EPB41L5: variants seen among roughly 807,000 people sequenced by gnomAD.
The protein encoded by EPB41L5 is erythrocyte membrane protein band 4.1 like 5, also known as band 4.1-like protein 5.
In EPB41L5, 55 loss-of-function variants were observed where a neutral mutation model predicts 106.6. That is an observed-to-expected ratio of 0.52 (90% CI 0.42 to 0.65). The LOEUF is 0.65. Ranked by LOEUF, EPB41L5 falls within the 30% of genes least tolerant of loss-of-function variation. EPB41L5 has a pLI of 0.00. For missense variants in EPB41L5, 871 were observed against 882.1 expected (o/e 0.99, Z 0.16); for synonymous variants, 297 against 306.7 (o/e 0.97, Z 0.33).
At chr2:120,133,505 G>A (rs551204659) in intron 18 of EPB41L5, among the ~76,000 whole-genome samples, 1 of 152,238 alleles carries the variant, frequency 6.6e-6, no homozygotes, top group African/African-American at 2.4e-5. Flanking sequence ...TCTGTCTGTC[G>A]GAATGGAAAG....
chr2:120,129,530 A>G (rs1376567299), intron 17 of EPB41L5, among the ~76,000 whole-genome samples: 1 of 152,232 alleles, frequency 6.6e-6, no homozygotes, highest in Non-Finnish European at 1.5e-5. Flanking sequence ...GATTTTATTT[A>G]CATTCCACTT....
rs980747685 is a variant in EPB41L5 at position 120,037,283 on chromosome 2, T to C, written c.181-4723T>C. ...GAACATGTAAATAAGAAGGAAGATA[T>C]CCCACGTTCAAGAATTTGGAGACTT... is the stretch of plus-strand genomic sequence containing the variant. On this transcript the variant is annotated intron_variant, in intron 2 of 24. Coordinates refer to ENST00000263713, the MANE Select transcript of EPB41L5 (RefSeq NM_020909.4). Among the ~76,000 whole-genome samples, 42 of 152,146 alleles carry C rather than the reference T, an allele frequency of 2.8e-4. 1 individual carries two copies. The highest frequency in any genetic ancestry group is 8.0e-4 in the African/African-American group (33 of 41,452).
intron 1 of EPB41L5, among the ~76,000 whole-genome samples, chr2:120,014,971 TAAAA>T (rs35008136): frequency 2.8e-5 from 4 of 141,066 alleles, no homozygotes; most frequent in African/African-American, 5.3e-5. Flanking sequence ...TCACAATCAT[TAAAA>T]AAAAAAAAAA....
chr2:120,165,936 C>CCAGT (rs928303246), intron 22 of EPB41L5, among the ~76,000 whole-genome samples: 1 of 140,026 alleles, frequency 7.1e-6, no homozygotes, highest in African/African-American at 2.7e-5. Flanking sequence ...CCATTGCACT[C>CCAGT]CAGTCTGGGC....
Position 120,106,744 on chromosome 2 carries a change from A to T in EPB41L5, c.1337+5930A>T, listed in dbSNP as rs983155441. ...ACACAGCAAAGCTAGTGACCTTCACACTTTCACGCATGAACATAAATGAGC... is the reference window on the plus strand; with the variant it reads ...ACACAGCAAAGCTAGTGACCTTCACTCTTTCACGCATGAACATAAATGAGC... On this transcript the variant is annotated intron_variant, in intron 16 of 24. Transcript: ENST00000263713. 4 of 985,444 alleles carry T rather than the reference A, an allele frequency of 4.1e-6. No individual in the cohort carries two copies. In the Middle Eastern group the frequency reaches 1.6e-3, roughly 386 times the overall value. 61.0% of individuals were successfully genotyped at this position (985,444 alleles called of 1,614,324 possible).
At position 120,031,813 on chromosome 2, in the gene EPB41L5, T is replaced by C. The variant is rs73948994; in HGVS notation, c.181-10193T>C. 7.7e-3 allele frequency among the ~76,000 whole-genome samples: 1,176 copies of C among 152,188 alleles called. 12 individuals carry two copies. The highest frequency in any genetic ancestry group is 0.027 in the African/African-American group (1,113 of 41,548). ...GGATTATTGGAAGGCAACACTGATA[T>C]ACTGATTCTTGAGAAACCAGAATCA... On this transcript the variant is annotated intron_variant, in intron 2 of 24. Coordinates refer to ENST00000263713, the MANE Select transcript of EPB41L5 (RefSeq NM_020909.4).
intron 10 of EPB41L5, among the ~76,000 whole-genome samples, chr2:120,080,560 G>A (rs1217662456): frequency 6.6e-6 from 1 of 152,108 alleles, no homozygotes; most frequent in Non-Finnish European, 1.5e-5. Flanking sequence ...TAGTGCCGCA[G>A]TAAACATACG....
chr2:120,054,588 C>T (rs1043246338), intron 3 of EPB41L5, among the ~76,000 whole-genome samples: 12 of 151,506 alleles, frequency 7.9e-5, no homozygotes, highest in Admixed American at 2.6e-4. Context: ...ACTGCAACTC[C>T]GCCTCCCGGT....
chr2:120,078,471 C>T (rs945261972), intron 9 of EPB41L5, 22 bp from the exon 10 acceptor site: 4 of 1,511,856 alleles, frequency 2.6e-6, no homozygotes, highest in African/African-American at 1.4e-5. Flanking sequence ...AAAGCTAACA[C>T]ATTTTTCTCC....
At position 120,176,944 on chromosome 2, in the gene EPB41L5, T is replaced by C. The variant is rs933749812; in HGVS notation, c.*2037T>C. On this transcript the variant is annotated 3_prime_UTR_variant, in exon 25 of 25. Coordinates refer to ENST00000263713, the MANE Select transcript of EPB41L5 (RefSeq NM_020909.4). ...ACCTGTATTCTTGACAGTTAGAATATTGGTAGGGACTTTGTTAAAATTCAC... is the reference window on the plus strand; with the variant it reads ...ACCTGTATTCTTGACAGTTAGAATACTGGTAGGGACTTTGTTAAAATTCAC... 3 of 152,186 alleles carry C rather than the reference T, an allele frequency of 2.0e-5. No homozygotes were observed. The highest frequency in any genetic ancestry group is 2.0e-4 in the Admixed American group (3 of 15,290). 9.4% of individuals were successfully genotyped at this position (152,186 alleles called of 1,614,324 possible).
chr2:120,090,293 G>C (rs966259082), intron 11 of EPB41L5, 54 bp from the exon 12 acceptor site: 55 of 1,435,514 alleles, frequency 3.8e-5, no homozygotes, highest in Non-Finnish European at 5.1e-5. Context: ...AGAAATAGGA[G>C]ATAGGACTGT....
intron 2 of EPB41L5, among the ~76,000 whole-genome samples, chr2:120,041,143 CATATT>C (rs1193078660): frequency 6.6e-6 from 1 of 152,064 alleles, no homozygotes; most frequent in Non-Finnish European, 1.5e-5. Context: ...TAATATAAAA[CATATT>C]ATAAAAATAA....
chr2:120,063,699 A>G (rs1681242477), intron 3 of EPB41L5, among the ~76,000 whole-genome samples: 1 of 152,164 alleles, frequency 6.6e-6, no homozygotes, highest in Non-Finnish European at 1.5e-5. Context: ...TAATCCCAAT[A>G]CTTTGTGAGG....
At chr2:120,088,397 C>A (rs750821491) in intron 11 of EPB41L5, among the ~76,000 whole-genome samples, 6 of 152,046 alleles carry the variant, frequency 3.9e-5, no homozygotes, top group Non-Finnish European at 7.4e-5. Context: ...AACTTATGAA[C>A]ACAAAGAAGG....
intron 1 of EPB41L5, among the ~76,000 whole-genome samples, chr2:120,018,000 C>T (rs537707906): frequency 3.0e-3 from 438 of 146,734 alleles, no homozygotes; most frequent in Middle Eastern, 7.3e-3. Context: ...CTTGCTCTGT[C>T]GCCCAGGCTG....
intron 2 of EPB41L5, among the ~76,000 whole-genome samples, chr2:120,038,895 T>C (rs1679212764): frequency 6.6e-6 from 1 of 152,210 alleles, no homozygotes; most frequent in African/African-American, 2.4e-5. Context: ...GCAGCATTAT[T>C]CCAAACTGAA....
chr2:120,146,746 C>G (rs187768409), intron 20 of EPB41L5, among the ~76,000 whole-genome samples: 1 of 152,270 alleles, frequency 6.6e-6, no homozygotes, highest in African/African-American at 2.4e-5. Flanking sequence ...ATTTATTTGT[C>G]TTGTTAGTTA....
At chr2:120,047,730 G>T (rs1056904681) in intron 3 of EPB41L5, among the ~76,000 whole-genome samples, 1 of 152,210 alleles carries the variant, frequency 6.6e-6, no homozygotes. Context: ...GGGCATCCCT[G>T]TCTTGTGCCA....
chr2:120,100,572 A>G (rs1468551936), intron 15 of EPB41L5, 127 bp from the exon 16 acceptor site: 2 of 733,580 alleles, frequency 2.7e-6, no homozygotes, highest in Non-Finnish European at 4.8e-6. Context: ...TAAGGTGTAT[A>G]TAAAATTCAA....
Sources: allele counts gnomAD v4.1 joint callset (sites outside exome capture counted in the v4.1 genomes callset), GRCh38; gene constraint gnomAD v4.1.1; transcripts MANE v1.5; gene names NCBI Gene and HGNC (gene_info 2026-07-23, HGNC 2026-07-21).